Variants in KIFAP3 observed in about 807,000 individuals in gnomAD.
KIFAP3 encodes kinesin-associated protein 3.
Under a neutral mutation model 106.5 loss-of-function variants are expected in KIFAP3, and 68 were observed. That is an observed-to-expected ratio of 0.64 (90% CI 0.53 to 0.78). The LOEUF (loss-of-function observed/expected upper bound fraction) is 0.78, where lower values mean the gene tolerates loss of function less well. KIFAP3 is among the 30% of genes least tolerant of loss of function. The probability of loss-of-function intolerance (pLI) is 0.00; values close to 1 mark genes in which losing one functional copy is unlikely to be tolerated. For synonymous variants in KIFAP3, 320 were observed against 311.5 expected (o/e 1.03, Z -0.29); for missense variants, 780 against 941.8 (o/e 0.83, Z 2.25).
intron 8 of KIFAP3, among the ~76,000 whole-genome samples, chr1:170,025,378 T>C (rs1001561573): frequency 6.6e-6 from 1 of 152,140 alleles, no homozygotes; most frequent in Non-Finnish European, 1.5e-5. Flanking sequence ...ATGGTCAATA[T>C]AGTCTTTTTG....
chr1:170,029,196 T>G (rs1294868311), intron 8 of KIFAP3, among the ~76,000 whole-genome samples: 1 of 152,144 alleles, frequency 6.6e-6, no homozygotes, highest in African/African-American at 2.4e-5. Context: ...ATCTACATCC[T>G]ATATCTTTAT....
At position 170,074,518 on chromosome 1, in the gene KIFAP3, G is replaced by A. The variant is rs779009596; in HGVS notation, c.-51C>T. The stretch of plus-strand genomic sequence containing the variant: ...GGATGGGGTATCTTGAGAGGCAGGC[G>A]CGGTTATTTCCGGGGACGGTGGCCA... On this transcript the variant is annotated 5_prime_UTR_variant, in exon 1 of 20. Transcript: ENST00000361580. The A allele has an allele frequency of 1.2e-6, 2 of 1,612,778 alleles. No homozygotes were observed. Among genetic ancestry groups the A allele is most frequent in the Middle Eastern group, 1.7e-4 (1 of 6,058 alleles).
chr1:170,057,954 T>C, intron 1 of KIFAP3, among the ~76,000 whole-genome samples: 1 of 152,174 alleles, frequency 6.6e-6, no homozygotes, highest in Non-Finnish European at 1.5e-5. Context: ...GTGTGCTAAA[T>C]TGACTTAGAA....
chr1:169,986,830 A>T (rs928180478), intron 11 of KIFAP3, among the ~76,000 whole-genome samples: 3 of 152,044 alleles, frequency 2.0e-5, no homozygotes, highest in Non-Finnish European at 2.9e-5. Context: ...TGTAGTATGA[A>T]AATTAGCCTT....
chr1:170,005,528 T>C (rs1667904556), intron 10 of KIFAP3, among the ~76,000 whole-genome samples: 1 of 151,676 alleles, frequency 6.6e-6, no homozygotes, highest in South Asian at 2.1e-4. Context: ...TATGCAGCCA[T>C]AAAAAATGAT....
intron 2 of KIFAP3, among the ~76,000 whole-genome samples, chr1:170,049,545 G>C (rs1256435119): frequency 6.6e-6 from 1 of 152,188 alleles, no homozygotes; most frequent in Admixed American, 6.5e-5. Flanking sequence ...GACTGGGAGA[G>C]ACCTCCCAAC....
At chr1:169,964,686 G>A (rs536526481) in intron 17 of KIFAP3, among the ~76,000 whole-genome samples, 13 of 152,264 alleles carry the variant, frequency 8.5e-5, no homozygotes, top group African/African-American at 2.9e-4. Flanking sequence ...AATATGCACA[G>A]AGATGTTGTT....
intron 18 of KIFAP3, chr1:169,957,833 G>C (rs181723973): frequency 1.2e-4 from 19 of 152,320 alleles, no homozygotes; most frequent in Admixed American, 1.2e-3. Flanking sequence ...CACCATGTTG[G>C]CTAGGCTGGT....
chr1:169,926,542 G>A (rs1007444154), intron 19 of KIFAP3, among the ~76,000 whole-genome samples: 4 of 151,942 alleles, frequency 2.6e-5, no homozygotes, highest in Admixed American at 6.6e-5. Context: ...TCACAAAGTT[G>A]CCTAATATTG....
intron 1 of KIFAP3, among the ~76,000 whole-genome samples, chr1:170,061,608 T>C (rs368799448): frequency 2.6e-5 from 4 of 152,180 alleles, no homozygotes; most frequent in African/African-American, 9.7e-5. Flanking sequence ...AGTGTGGCGA[T>C]TCCTCAAGGA....
rs543199934 is a variant in KIFAP3 at position 170,041,649 on chromosome 1, C to T, written c.320-2361G>A. 27 of 1,512,968 alleles carry T rather than the reference C, an allele frequency of 1.8e-5. No homozygotes were observed. In the Admixed American group the frequency reaches 4.7e-4, roughly 26 times the overall value. 93.7% of individuals were successfully genotyped at this position (1,512,968 alleles called of 1,614,324 possible). A position where few individuals can be genotyped will look rare whatever the true frequency, so the allele number is the denominator to read the frequency against. ...TTTAAGCCAGGGGCTGTCTCTGGTGCCTCCCTTGCCAGCAAGGCATTACCG... is the reference window on the plus strand; with the variant it reads ...TTTAAGCCAGGGGCTGTCTCTGGTGTCTCCCTTGCCAGCAAGGCATTACCG... On this transcript the variant is annotated intron_variant, in intron 3 of 19. Coordinates refer to ENST00000361580, the MANE Select transcript of KIFAP3 (RefSeq NM_014970.4).
intron 1 of KIFAP3, among the ~76,000 whole-genome samples, chr1:170,059,430 GAC>G (rs1269291231): frequency 6.6e-6 from 1 of 151,968 alleles, no homozygotes; most frequent in East Asian, 1.9e-4. Flanking sequence ...TAAATTCCTG[GAC>G]ACACATACAC....
At position 169,921,689 on chromosome 1, in the gene KIFAP3, C is replaced by T. The variant is rs746192151; in HGVS notation, c.2366G>A (p.Gly789Asp). Residue 789 changes from glycine (G) to aspartate (D), a missense_variant, in exon 20 of 20, where the codon GGC becomes GAC. Physicochemically the swap from Gly to Asp is moderately conservative, Grantham distance 94. Around this residue, in one of 3 missense-constraint regions of KIFAP3, gnomAD observed 114 missense variants for 122.3 expected, o/e 0.93. Transcript: ENST00000361580. ...GFRPDEPYYY[G>D]YGS ...ACAGATACTTTATCAAGATCCATAG[C>T]CATAGTAGTAAGGTTCATCAGGGCG... is the stretch of plus-strand genomic sequence containing the variant. 1 of 1,612,050 alleles carries T rather than the reference C, an allele frequency of 6.2e-7. No homozygotes were observed. Among genetic ancestry groups the T allele is most frequent in the Non-Finnish European group, 8.5e-7 (1 of 1,178,276 alleles).
At chr1:170,016,385 T>C (rs1668517780) in intron 10 of KIFAP3, 77 bp downstream of exon 10, 3 of 1,170,164 alleles carry the variant, frequency 2.6e-6, no homozygotes, top group Non-Finnish European at 3.7e-6. Context: ...TTCAGGAGGC[T>C]TTTCAACACA....
intron 18 of KIFAP3, among the ~76,000 whole-genome samples, chr1:169,960,439 T>C (rs1298109148): frequency 6.6e-6 from 1 of 152,084 alleles, no homozygotes; most frequent in Admixed American, 6.6e-5. Context: ...TTACCAATCT[T>C]TGTGTCAAAC....
chr1:169,970,662 C>T (rs907951977), intron 17 of KIFAP3, among the ~76,000 whole-genome samples: 2 of 151,952 alleles, frequency 1.3e-5, no homozygotes, highest in African/African-American at 4.8e-5. Flanking sequence ...AAATCATTAT[C>T]TAGAGGTAAA....
chr1:170,058,196 A>T (rs1473951060), intron 1 of KIFAP3, among the ~76,000 whole-genome samples: 1 of 152,234 alleles, frequency 6.6e-6, no homozygotes, highest in African/African-American at 2.4e-5. Flanking sequence ...ATTCATTATC[A>T]ATTTTCTTGA....
intron 5 of KIFAP3, among the ~76,000 whole-genome samples, chr1:170,037,925 G>A (rs1310044913): frequency 6.6e-6 from 1 of 152,118 alleles, no homozygotes; most frequent in African/African-American, 2.4e-5. Context: ...CAATGAAACT[G>A]CAAAGATTAA....
chr1:170,042,953 A>G (rs2102073951), intron 3 of KIFAP3, among the ~76,000 whole-genome samples: 1 of 152,284 alleles, frequency 6.6e-6, no homozygotes, highest in Non-Finnish European at 1.5e-5. Flanking sequence ...TAACCAAGGA[A>G]TTGAATATTA....
Sources: allele counts gnomAD v4.1 joint callset (sites outside exome capture counted in the v4.1 genomes callset), GRCh38; gene constraint gnomAD v4.1.1; regional missense constraint gnomAD v4.1.1; transcripts MANE v1.5; gene names NCBI Gene and HGNC (gene_info 2026-07-23, HGNC 2026-07-21).